Variants in ELP4 observed in about 807,000 individuals in gnomAD.
ELP4 encodes the protein elongator acetyltransferase complex subunit 4, also known as elongator complex protein 4.
A neutral mutation model predicts 48.9 loss-of-function variants in ELP4; 51 were observed. That is an observed-to-expected ratio of 1.04 (90% CI 0.83 to 1.32). The LOEUF is 1.32. ELP4 is among the 40% of genes most tolerant of loss of function. The probability of loss-of-function intolerance (pLI) is 0.00; values close to 1 mark genes in which losing one functional copy is unlikely to be tolerated. For synonymous variants in ELP4, 210 were observed against 189.2 expected, an observed-to-expected ratio of 1.11 and a Z score of -0.90; for missense variants, 519 against 514.6, an observed-to-expected ratio of 1.01 and a Z score of -0.08.
At chr11:31,763,834 C>G (rs1947995638) in intron 9 of ELP4, among the ~76,000 whole-genome samples, 1 of 151,736 alleles carries the variant, frequency 6.6e-6, no homozygotes, top group South Asian at 2.1e-4. Context: ...AATGAGTTTT[C>G]AATGTCATTT....
At chr11:31,528,543 A>G (rs896756537) in intron 2 of ELP4, among the ~76,000 whole-genome samples, 4 of 152,154 alleles carry the variant, frequency 2.6e-5, no homozygotes, top group African/African-American at 9.7e-5. Context: ...GGTTATGCTT[A>G]GACTGCTCTG....
Position 31,787,179 on chromosome 11 carries a change from A to G in ELP4, c.*3655A>G, listed in dbSNP as rs1244358660. ...CTAGGGTGTGGGCAGAAGGCAAGGC[A>G]GCCGTTCCCATCCTGCCGGACCAGA... On this transcript the variant is annotated 3_prime_UTR_variant, in exon 10 of 10. Coordinates refer to ENST00000640961, the MANE Select transcript of ELP4 (RefSeq NM_019040.5). 1 of 232,850 alleles carries G rather than the reference A, an allele frequency of 4.3e-6. No homozygotes were observed. The highest frequency in any genetic ancestry group is 8.5e-6 in the Non-Finnish European group (1 of 117,826). The allele number at this position is 232,850 out of a possible 1,614,324, so 14.4% of individuals were successfully genotyped here. A position where few individuals can be genotyped will look rare whatever the true frequency, so the allele number is the denominator to read the frequency against.
At chr11:31,766,721 T>C (rs1592292703) in intron 9 of ELP4, among the ~76,000 whole-genome samples, 1 of 152,094 alleles carries the variant, frequency 6.6e-6, no homozygotes, top group African/African-American at 2.4e-5. Flanking sequence ...AAAATAAATA[T>C]ATAATTGAAG....
Position 31,576,171 on chromosome 11 carries a change from A to G in ELP4, c.382-18599A>G, listed in dbSNP as rs534431620. On this transcript the variant is annotated intron_variant, in intron 3 of 9. Coordinates refer to ENST00000640961, the MANE Select transcript of ELP4 (RefSeq NM_019040.5). ...CTCTGATAAAACAGACTTTAAATCAACAAAGATCAGAAGAGACAAAGAAGG... is the reference window on the plus strand; with the variant it reads ...CTCTGATAAAACAGACTTTAAATCAGCAAAGATCAGAAGAGACAAAGAAGG... 7.2e-5 allele frequency among the ~76,000 whole-genome samples: 11 copies of G among 152,348 alleles called. No individual in the cohort carries two copies. In the East Asian group the frequency reaches 1.2e-3, roughly 16 times the overall value.
intron 9 of ELP4, chr11:31,706,899 C>A (rs1299760735): frequency 2.5e-6 from 1 of 396,628 alleles, no homozygotes. Flanking sequence ...CACATTGCTG[C>A]AAATGTCAGG....
intron 3 of ELP4, among the ~76,000 whole-genome samples, chr11:31,594,137 T>G (rs1008334262): frequency 1.4e-4 from 21 of 152,158 alleles, no homozygotes; most frequent in African/African-American, 5.1e-4. Flanking sequence ...TTAACAAACA[T>G]GTTTTCTAGT....
chr11:31,600,067 A>G (rs1957751750), intron 4 of ELP4: 1 of 152,226 alleles, frequency 6.6e-6, no homozygotes, highest in Admixed American at 6.5e-5. Flanking sequence ...AGTTGTCACC[A>G]GGTCCTAAGG....
intron 3 of ELP4, among the ~76,000 whole-genome samples, chr11:31,547,280 G>T (rs995008938): frequency 6.6e-6 from 1 of 151,680 alleles, no homozygotes; most frequent in African/African-American, 2.4e-5. Flanking sequence ...TCAAATAGAC[G>T]CAATAAAAAA....
chr11:31,666,004 C>CTTTTTTTT (rs35902758), intron 9 of ELP4, among the ~76,000 whole-genome samples: 20 of 85,330 alleles, frequency 2.3e-4, no homozygotes, highest in African/African-American at 4.6e-4. Flanking sequence ...GTTTCAAATT[C>CTTTTTTTT]TTTTTTTTTT....
intron 3 of ELP4, among the ~76,000 whole-genome samples, chr11:31,571,117 A>C (rs1957187160): frequency 6.6e-6 from 1 of 152,086 alleles, no homozygotes; most frequent in Non-Finnish European, 1.5e-5. Context: ...TACCTTTTTA[A>C]CAAACCTGCA....
chr11:31,579,468 A>C (rs535171713), intron 3 of ELP4, among the ~76,000 whole-genome samples: 1 of 152,194 alleles, frequency 6.6e-6, no homozygotes, highest in Admixed American at 6.5e-5. Flanking sequence ...TCATGCTGCT[A>C]TAAAGACACA....
At position 31,661,788 on chromosome 11, in the gene ELP4, A is replaced by T. The variant is rs1357766568; in HGVS notation, c.1143+11567A>T. On this transcript the variant is annotated intron_variant, in intron 9 of 9. Coordinates refer to ENST00000640961, the MANE Select transcript of ELP4 (RefSeq NM_019040.5). ...GTAAGTAAAACAACCTTCAAAAAAT[A>T]TCAGCTAATAAGATAATGAGCTGTT... Among the ~76,000 whole-genome samples, 6 of 152,096 alleles carry T rather than the reference A, an allele frequency of 3.9e-5. No homozygotes were observed. The East Asian group carries it at 1.2e-3, about 29-fold the overall frequency.
In ELP4 at chr11:31,532,312, A is replaced by G. The variant is rs550947262; in HGVS notation, c.260-7350A>G. On this transcript the variant is annotated intron_variant, in intron 2 of 9. Coordinates refer to ENST00000640961, the MANE Select transcript of ELP4 (RefSeq NM_019040.5). The stretch of plus-strand genomic sequence containing the variant: ...AACATGTTTGCTAAGTACTATGTCT[A>G]GTTAACAATATGCAAATAAATAGCA... Among the ~76,000 whole-genome samples, 21 of 152,360 alleles carry G rather than the reference A, an allele frequency of 1.4e-4. No individual in the cohort carries two copies. In the East Asian group the frequency reaches 4.0e-3, roughly 29 times the overall value.
At chr11:31,761,759 A>C (rs1947950847) in intron 9 of ELP4, among the ~76,000 whole-genome samples, 1 of 152,180 alleles carries the variant, frequency 6.6e-6, no homozygotes, top group Non-Finnish European at 1.5e-5. Context: ...GCATGTATGT[A>C]GGTGTGGTCT....
chr11:31,734,943 T>A (rs1311501868), intron 9 of ELP4, among the ~76,000 whole-genome samples: 1 of 152,146 alleles, frequency 6.6e-6, no homozygotes, highest in Non-Finnish European at 1.5e-5. Context: ...TCTTCACATG[T>A]CCTGATTTTG....
rs144282470 is a variant in ELP4, at chr11:31,777,446, G to A, written c.1144-5947G>A. Among the ~76,000 whole-genome samples, 311 of 152,310 alleles carry A rather than the reference G, an allele frequency of 2.0e-3. 3 individuals carry two copies. Among genetic ancestry groups the A allele is most frequent in the African/African-American group, 6.7e-3 (278 of 41,558 alleles). ...AGAAACCATGAATGGGGCCCCCGCA[G>A]TCAGCTATAGTTCACATACTGAGTG... On this transcript the variant is annotated intron_variant, in intron 9 of 9. Transcript: ENST00000640961.
At chr11:31,564,648 G>A (rs1009869007) in intron 3 of ELP4, among the ~76,000 whole-genome samples, 5 of 152,060 alleles carry the variant, frequency 3.3e-5, no homozygotes, top group South Asian at 2.1e-4. Flanking sequence ...TTGTCCCTAC[G>A]ATAGTTTGCT....
intron 3 of ELP4, among the ~76,000 whole-genome samples, chr11:31,550,096 C>G (rs914813334): frequency 6.6e-6 from 1 of 151,072 alleles, no homozygotes; most frequent in Admixed American, 6.6e-5. Context: ...GTAACCTGCA[C>G]ATTGTGCACA....
chr11:31,533,541 C>A, intron 2 of ELP4, among the ~76,000 whole-genome samples: 1 of 151,378 alleles, frequency 6.6e-6, no homozygotes, highest in Non-Finnish European at 1.5e-5. Flanking sequence ...TCAAGCCCGG[C>A]TAATTTTTTT....
Sources: gnomAD v4.1 joint callset for allele counts (sites outside exome capture counted in the v4.1 genomes callset) on GRCh38, gnomAD v4.1.1 for gene constraint, MANE v1.5 for transcripts, NCBI Gene and HGNC (gene_info 2026-07-23, HGNC 2026-07-21) for gene names.